DPYD: variants seen among roughly 807,000 people sequenced by gnomAD.
DPYD encodes the protein dihydropyrimidine dehydrogenase [NADP(+)].
DPYD carries 109 observed loss-of-function variants against 116.2 expected under a neutral mutation model. The ratio of observed to expected loss-of-function variants is 0.94; its 90% CI spans 0.80 to 1.10. The LOEUF (loss-of-function observed/expected upper bound fraction) is 1.10. Ranked by LOEUF, DPYD falls within the 50% of genes least tolerant of loss-of-function variation. DPYD has a pLI of 0.00. For missense variants in DPYD, 1,302 were observed against 1,254.5 expected (o/e 1.04, Z -0.57); for synonymous variants, 440 against 432.0 (o/e 1.02, Z -0.23).
chr1:97,148,959 C>T (rs187098323), intron 20 of DPYD, among the ~76,000 whole-genome samples: 177 of 152,190 alleles, frequency 1.2e-3, no homozygotes, highest in African/African-American at 4.1e-3. Flanking sequence ...GTCTTTTGTA[C>T]GCTTTGGGCT....
At chr1:97,510,409 A>G (rs1412416743) in intron 13 of DPYD, among the ~76,000 whole-genome samples, 1 of 152,004 alleles carries the variant, frequency 6.6e-6, no homozygotes. Flanking sequence ...GGTATATGGA[A>G]GATAGAAAAC....
At chr1:97,445,146 T>A (rs915995659) in intron 14 of DPYD, among the ~76,000 whole-genome samples, 9 of 152,208 alleles carry the variant, frequency 5.9e-5, no homozygotes, top group Non-Finnish European at 1.0e-4. Context: ...CACCAGATGC[T>A]GACCGACTTC....
At position 97,696,608 on chromosome 1, in the gene DPYD, GA is replaced by G. The variant is rs891784957; in HGVS notation, c.680+2742del. On this transcript the variant is annotated intron_variant, in intron 6 of 22. Coordinates refer to ENST00000370192, the MANE Select transcript of DPYD (RefSeq NM_000110.4). Reference sequence around the variant, plus strand: ...TGCTCCTGTAACAATCTAAGGCTTTGAAAAAAAAAAATTTCTTGTAATCGTA... The same window carrying G: ...TGCTCCTGTAACAATCTAAGGCTTTGAAAAAAAAAATTTCTTGTAATCGTA... 1.1e-3 allele frequency among the ~76,000 whole-genome samples: 157 copies of G among 148,020 alleles called. 1 individual carries two copies. Among genetic ancestry groups the G allele is most frequent in the East Asian group, 5.5e-3 (28 of 5,082 alleles).
intron 16 of DPYD, among the ~76,000 whole-genome samples, chr1:97,322,001 G>T (rs1465110429): frequency 1.3e-5 from 1 of 76,520 alleles, no homozygotes; most frequent in Non-Finnish European, 2.6e-5. Flanking sequence ...AACAAACACC[G>T]CATGTTCTCA....
chr1:97,435,256 C>A (rs979785309), intron 14 of DPYD, among the ~76,000 whole-genome samples: 4 of 151,866 alleles, frequency 2.6e-5, no homozygotes, highest in African/African-American at 7.2e-5. Flanking sequence ...TTGACTGATT[C>A]TTCCCTGCCT....
chr1:97,583,631 T>C (rs930164015), intron 10 of DPYD, among the ~76,000 whole-genome samples: 1 of 149,284 alleles, frequency 6.7e-6, no homozygotes, highest in Non-Finnish European at 1.5e-5. Context: ...CTTTTTTATA[T>C]ATTGCTTGCT....
intron 20 of DPYD, among the ~76,000 whole-genome samples, chr1:97,152,449 C>T (rs1027458427): frequency 3.3e-5 from 5 of 151,590 alleles, no homozygotes; most frequent in African/African-American, 9.7e-5. Context: ...TACACACACA[C>T]ACACACACAC....
At chr1:97,248,052 TAAAGGA>T (rs1257845714) in intron 18 of DPYD, among the ~76,000 whole-genome samples, 1 of 152,050 alleles carries the variant, frequency 6.6e-6, no homozygotes, top group Non-Finnish European at 1.5e-5. Context: ...ACAAATAAAC[TAAAGGA>T]AAATAAAATT....
chr1:97,249,388 G>T (rs1281009512), intron 18 of DPYD, among the ~76,000 whole-genome samples: 1 of 151,682 alleles, frequency 6.6e-6, no homozygotes, highest in Admixed American at 6.6e-5. Context: ...AGGAAGGGGG[G>T]AGAAAAGAAA....
intron 2 of DPYD, among the ~76,000 whole-genome samples, chr1:97,850,841 T>C (rs764633356): frequency 1.3e-5 from 2 of 152,054 alleles, no homozygotes; most frequent in Non-Finnish European, 2.9e-5. Flanking sequence ...GTTCTATAAA[T>C]GATATATTAA....
intron 8 of DPYD, among the ~76,000 whole-genome samples, chr1:97,657,117 G>T (rs1313524587): frequency 1.3e-5 from 2 of 151,918 alleles, no homozygotes. Flanking sequence ...ACAGGTGCAA[G>T]CCACTGCACC....
chr1:97,666,854 G>C (rs1380454443), intron 8 of DPYD, among the ~76,000 whole-genome samples: 2 of 152,070 alleles, frequency 1.3e-5, no homozygotes, highest in African/African-American at 2.4e-5. Flanking sequence ...AACAAGTCAG[G>C]TTCTATTAGA....
intron 20 of DPYD, among the ~76,000 whole-genome samples, chr1:97,157,157 C>T (rs973060120): frequency 6.6e-6 from 1 of 151,086 alleles, no homozygotes; most frequent in African/African-American, 2.4e-5. Flanking sequence ...AGGAGATATA[C>T]CTAATGCTAA....
At chr1:97,102,424 T>G (rs186523936) in intron 20 of DPYD, among the ~76,000 whole-genome samples, 9 of 145,202 alleles carry the variant, frequency 6.2e-5, no homozygotes, top group Non-Finnish European at 1.4e-4. Context: ...TATATATGTA[T>G]ATATGTATCT....
At position 97,316,346 on chromosome 1, in the gene DPYD, A is replaced by C. The variant is rs113275911; in HGVS notation, c.2059-10049T>G. 4.2e-3 allele frequency among the ~76,000 whole-genome samples: 628 copies of C among 150,406 alleles called. 1 individual carries two copies. The highest frequency in any genetic ancestry group is 0.015 in the African/African-American group (604 of 41,060). Reference sequence around the variant, plus strand: ...CTCTAGTAAAAGTAAAAAAAAGAAAAAAAAAAACAAAAAAACAAAAAACCA... The same window carrying C: ...CTCTAGTAAAAGTAAAAAAAAGAAACAAAAAAACAAAAAAACAAAAAACCA... On this transcript the variant is annotated intron_variant, in intron 16 of 22. Transcript: ENST00000370192.
intron 1 of DPYD, among the ~76,000 whole-genome samples, chr1:97,899,058 A>T (rs1224032485): frequency 2.0e-5 from 3 of 151,742 alleles, no homozygotes; most frequent in Admixed American, 6.6e-5. Context: ...CACTCCTAGG[A>T]ACCAAGCTGT....
intron 1 of DPYD, among the ~76,000 whole-genome samples, chr1:97,886,910 C>T (rs1426315949): frequency 6.6e-6 from 1 of 151,858 alleles, no homozygotes; most frequent in Non-Finnish European, 1.5e-5. Flanking sequence ...CAAAAACTAC[C>T]ACTGAAAAAA....
At chr1:97,522,496 G>T (rs1258142018) in intron 12 of DPYD, among the ~76,000 whole-genome samples, 1 of 152,108 alleles carries the variant, frequency 6.6e-6, no homozygotes, top group East Asian at 1.9e-4. Context: ...GCTGAGGTGC[G>T]TGGATCATGA....
At chr1:97,604,645 A>G (rs1054665894) in intron 8 of DPYD, among the ~76,000 whole-genome samples, 1 of 152,142 alleles carries the variant, frequency 6.6e-6, no homozygotes, top group African/African-American at 2.4e-5. Flanking sequence ...ATGCATAAAT[A>G]TACTTGGAAT....
Sources: gnomAD v4.1 joint callset for allele counts (sites outside exome capture counted in the v4.1 genomes callset) on GRCh38, gnomAD v4.1.1 for gene constraint, MANE v1.5 for transcripts, NCBI Gene and HGNC (gene_info 2026-07-23, HGNC 2026-07-21) for gene names.